The following MYBPC1 variants were observed in gnomAD, a reference collection of about 807,000 sequenced individuals.
MYBPC1 encodes myosin-binding protein C, slow-type.
In MYBPC1, 52 loss-of-function variants were observed where a neutral mutation model predicts 147.1. That is an observed-to-expected ratio of 0.35 (90% CI 0.28 to 0.45). The LOEUF (loss-of-function observed/expected upper bound fraction) is 0.45, where lower values mean the gene tolerates loss of function less well. MYBPC1 is among the 20% of genes least tolerant of loss of function. The pLI is 1.00. For missense variants in MYBPC1, 1,228 were observed against 1,440.3 expected (o/e 0.85, Z 2.39); for synonymous variants, 477 against 475.9 (o/e 1.00, Z -0.03).
intron 1 of MYBPC1, among the ~76,000 whole-genome samples, chr12:101,598,449 G>A: frequency 6.6e-6 from 1 of 152,062 alleles, no homozygotes; most frequent in East Asian, 1.9e-4. Context: ...AGTATGAATG[G>A]CTGTTAAACC....
At chr12:101,647,673 G>A (rs1321609483) in intron 13 of MYBPC1, among the ~76,000 whole-genome samples, 1 of 152,174 alleles carries the variant, frequency 6.6e-6, no homozygotes, top group Non-Finnish European at 1.5e-5. Context: ...GATCACTTGA[G>A]ATCAGGAGTT....
chr12:101,642,604 G>A lies in MYBPC1; in HGVS notation c.832+19G>A, dbSNP rs776232296. Reference sequence around the variant, plus strand: ...AGCGCAGGTGAGCGCTCCCGGGGGCGAGGCAGCGGCCGAGGGGCGTGGCAG... The same window carrying A: ...AGCGCAGGTGAGCGCTCCCGGGGGCAAGGCAGCGGCCGAGGGGCGTGGCAG... On this transcript the variant is annotated intron_variant, in intron 11 of 31. Coordinates refer to ENST00000361466, the MANE Select transcript of MYBPC1 (RefSeq NM_002465.4). The A allele has an allele frequency of 4.8e-5, 77 of 1,602,510 alleles. No individual in the cohort carries two copies. Among genetic ancestry groups the A allele is most frequent in the Non-Finnish European group, 6.0e-5 (70 of 1,175,262 alleles).
intron 29 of MYBPC1, 116 bp downstream of exon 29, chr12:101,680,645 G>A: frequency 2.3e-6 from 3 of 1,309,074 alleles, no homozygotes; most frequent in African/African-American, 1.5e-5. Context: ...CAGCGAGGGT[G>A]GGAGAGGGTG....
At chr12:101,687,462 C>T (rs1951368087), downstream of MYBPC1, among the ~76,000 whole-genome samples, 1 of 152,056 alleles carries the variant, frequency 6.6e-6, no homozygotes, top group African/African-American at 2.4e-5. Flanking sequence ...TTTTCTTAAT[C>T]CAGTCTATCA....
chr12:101,664,911 T>G (rs1328685036), intron 22 of MYBPC1, among the ~76,000 whole-genome samples: 3 of 152,178 alleles, frequency 2.0e-5, no homozygotes, highest in South Asian at 4.1e-4. Context: ...TGCCCCCATT[T>G]AAAAAAGTCA....
At chr12:101,629,331 A>G (rs1889315362) in intron 5 of MYBPC1, 103 bp from the exon 6 acceptor site, 1 of 799,420 alleles carries the variant, frequency 1.3e-6, no homozygotes, top group Admixed American at 1.9e-5. Context: ...GGTTTATTAG[A>G]CAAAGAAAAG....
chr12:101,646,570 T>C, intron 12 of MYBPC1, 193 bp from the exon 13 acceptor site: 1 of 603,738 alleles, frequency 1.7e-6, no homozygotes, highest in Non-Finnish European at 2.9e-6. Context: ...GCCCAGGAGG[T>C]CGAGGCTCCA....
At chr12:101,657,788 C>G (rs1478179747) in intron 18 of MYBPC1, among the ~76,000 whole-genome samples, 2 of 152,180 alleles carry the variant, frequency 1.3e-5, no homozygotes, top group Non-Finnish European at 2.9e-5. Context: ...GTGCCTTAAT[C>G]TCTTTCAGAA....
At chr12:101,653,091 C>T (rs186669614) in intron 17 of MYBPC1, 24 bp from the exon 18 acceptor site, 14 of 1,602,676 alleles carry the variant, frequency 8.7e-6, no homozygotes, top group Non-Finnish European at 1.1e-5. Context: ...TGTCTGATAA[C>T]AAAGACTATG....
chr12:101,671,433 A>G (rs1414752317), intron 24 of MYBPC1, among the ~76,000 whole-genome samples: 1 of 152,148 alleles, frequency 6.6e-6, no homozygotes, highest in Non-Finnish European at 1.5e-5. Context: ...GGGATGGCCA[A>G]TTCAGGCCAT....
intron 27 of MYBPC1, among the ~76,000 whole-genome samples, chr12:101,677,811 T>G (rs1900334316): frequency 1.3e-5 from 2 of 152,224 alleles, no homozygotes; most frequent in Admixed American, 1.3e-4. Flanking sequence ...CTTAAAACCT[T>G]CCTTGTGTAT....
intron 2 of MYBPC1, among the ~76,000 whole-genome samples, chr12:101,615,217 A>T (rs956750805): frequency 6.6e-6 from 1 of 152,248 alleles, no homozygotes; most frequent in Non-Finnish European, 1.5e-5. Context: ...GAAAATTAAA[A>T]GATTAAAAGA....
intron 24 of MYBPC1, among the ~76,000 whole-genome samples, chr12:101,671,699 C>A (rs561114263): frequency 1.3e-5 from 2 of 152,176 alleles, no homozygotes; most frequent in Admixed American, 6.5e-5. Flanking sequence ...GCCTCCACAT[C>A]GTTCCTGCCA....
chr12:101,605,966 G>A (rs980142050), intron 1 of MYBPC1, among the ~76,000 whole-genome samples: 5 of 151,284 alleles, frequency 3.3e-5, no homozygotes, highest in Non-Finnish European at 5.9e-5. Flanking sequence ...AGGCTGAGGC[G>A]GGCAGATCAC....
intron 8 of MYBPC1, 25 bp from the exon 9 acceptor site, chr12:101,634,529 G>GTT: frequency 1.3e-6 from 2 of 1,590,948 alleles, no homozygotes; most frequent in Non-Finnish European, 1.7e-6. Flanking sequence ...GGGTATTTAT[G>GTT]TTATTGTTTT....
At chr12:101,610,646 G>T (rs1332939862) in intron 1 of MYBPC1, among the ~76,000 whole-genome samples, 1 of 152,142 alleles carries the variant, frequency 6.6e-6, no homozygotes, top group African/African-American at 2.4e-5. Context: ...CCTGAGTTAG[G>T]CTGTGCTATT....
chr12:101,666,892 C>CACAA (rs1330900758), intron 22 of MYBPC1: 1 of 457,834 alleles, frequency 2.2e-6, no homozygotes, highest in Non-Finnish European at 4.2e-6. Flanking sequence ...TCATCACATA[C>CACAA]ATACACACAC....
At chr12:101,677,189 T>C in intron 26 of MYBPC1, 46 bp from the exon 27 acceptor site, 3 of 1,576,958 alleles carry the variant, frequency 1.9e-6, no homozygotes, top group South Asian at 1.1e-5. Flanking sequence ...AAAAATTGTA[T>C]ACTTTTAGGT....
intron 10 of MYBPC1, chr12:101,637,076 A>T (rs1210345140): frequency 1.9e-5 from 1 of 52,520 alleles, no homozygotes; most frequent in Non-Finnish European, 3.2e-5. Flanking sequence ...AGGTATACAC[A>T]TTGTAAGAGG....
Sources: allele counts gnomAD v4.1 joint callset (sites outside exome capture counted in the v4.1 genomes callset), GRCh38; gene constraint gnomAD v4.1.1; transcripts MANE v1.5; gene names NCBI Gene and HGNC (gene_info 2026-07-23, HGNC 2026-07-21).